Variants in SNX10 observed in about 807,000 individuals in gnomAD.
The protein encoded by SNX10 is sorting nexin-10.
A neutral mutation model predicts 28.5 loss-of-function variants in SNX10; 25 were observed. The ratio of observed to expected loss-of-function variants is 0.88; its 90% CI spans 0.64 to 1.22. The LOEUF (loss-of-function observed/expected upper bound fraction) is 1.22. Among genes scored for constraint, SNX10 ranks in the 50% most tolerant of loss-of-function variants. The pLI, the probability that SNX10 is intolerant of heterozygous loss-of-function variation, is 0.00. For synonymous variants in SNX10, 62 were observed against 81.4 expected (o/e 0.76, Z 1.28); for missense variants, 223 against 242.6 (o/e 0.92, Z 0.54).
intron 2 of SNX10, among the ~76,000 whole-genome samples, chr7:26,347,711 G>A (rs367959120): frequency 1.1e-4 from 16 of 152,182 alleles, no homozygotes; most frequent in East Asian, 7.7e-4. Context: ...TTAGCTGGGC[G>A]TAGTGGCATG....
chr7:26,313,353 A>G (rs1283783594), intron 1 of SNX10, among the ~76,000 whole-genome samples: 4 of 152,312 alleles, frequency 2.6e-5, no homozygotes, highest in Non-Finnish European at 4.4e-5. Flanking sequence ...TAATTAATCT[A>G]GTGGACTCCT....
chr7:26,358,924 G>C (rs775127146), intron 2 of SNX10, among the ~76,000 whole-genome samples: 2 of 147,796 alleles, frequency 1.4e-5, no homozygotes, highest in Non-Finnish European at 3.0e-5. Context: ...TCCTGCCTCA[G>C]CCTCCTGAGT....
chr7:26,367,957 T>G (rs985865903), intron 5 of SNX10, among the ~76,000 whole-genome samples: 5 of 152,240 alleles, frequency 3.3e-5, no homozygotes, highest in African/African-American at 1.2e-4. Context: ...GTTCAAACCT[T>G]TTGAAACCAC....
intron 1 of SNX10, among the ~76,000 whole-genome samples, chr7:26,335,290 C>G (rs1384410502): frequency 6.6e-6 from 1 of 152,206 alleles, no homozygotes; most frequent in Non-Finnish European, 1.5e-5. Context: ...CCTCTGGTCC[C>G]TCAGAACCCC....
At chr7:26,330,029 G>A (rs1787675090) in intron 1 of SNX10, among the ~76,000 whole-genome samples, 1 of 152,164 alleles carries the variant, frequency 6.6e-6, no homozygotes, top group Admixed American at 6.5e-5. Context: ...ATGAGGAAGT[G>A]CGATCAGGAA....
Position 26,364,596 on chromosome 7 carries a change from T to C in SNX10, c.173T>C (p.Val58Ala), listed in dbSNP as rs1789216511. The C allele has an allele frequency of 1.2e-6, 2 of 1,613,998 alleles. No individual in the cohort carries two copies. Among genetic ancestry groups the C allele is most frequent in the Non-Finnish European group, 1.7e-6 (2 of 1,179,914 alleles). The change falls in exon 4 of 7, where the codon GTG becomes GCG. Residue 58 changes from valine to alanine, a missense_variant. By Grantham distance (64) the Val-to-Ala change is moderately conservative. Transcript: ENST00000338523. This position sits in a 1 kb window ranked among gnomAD's most constrained non-coding sequence, Gnocchi z 4.9. ...GTACGAAGAAGATATAGAGAATTCG[T>C]GTGGCTGAGGCAGAGACTCCAAAGT... ...SCVRRRYREF[V>A]WLRQRLQSNA...
intron 1 of SNX10, among the ~76,000 whole-genome samples, chr7:26,341,437 G>A (rs1277971885): frequency 6.6e-6 from 1 of 152,114 alleles, no homozygotes; most frequent in African/African-American, 2.4e-5. Flanking sequence ...AGAGGACACT[G>A]GGAGGCAGAT....
chr7:26,319,485 A>G (rs1562793348), intron 1 of SNX10, among the ~76,000 whole-genome samples: 1 of 152,164 alleles, frequency 6.6e-6, no homozygotes, highest in Non-Finnish European at 1.5e-5. Context: ...TAAATAAATG[A>G]TATGTTCAGA....
chr7:26,316,736 T>G (rs570284022), intron 1 of SNX10, among the ~76,000 whole-genome samples: 3 of 152,304 alleles, frequency 2.0e-5, no homozygotes, highest in African/African-American at 7.2e-5. Flanking sequence ...CAGGGTCACT[T>G]AGCAGGATTT....
chr7:26,346,286 A>G (rs1788383430), intron 1 of SNX10, 134 bp from the exon 2 acceptor site: 1 of 690,430 alleles, frequency 1.4e-6, no homozygotes, highest in African/African-American at 1.8e-5. Flanking sequence ...GCGTGGGAGG[A>G]GCAGAGGCTC....
At chr7:26,355,956 T>C (rs1769560631) in intron 2 of SNX10, among the ~76,000 whole-genome samples, 2 of 152,274 alleles carry the variant, frequency 1.3e-5, no homozygotes, top group South Asian at 4.1e-4. Context: ...GTTGTAAAGA[T>C]TGAAGAAAAC....
At chr7:26,298,470 T>C (rs932041488) in intron 1 of SNX10, among the ~76,000 whole-genome samples, 2 of 152,196 alleles carry the variant, frequency 1.3e-5, no homozygotes, top group Non-Finnish European at 2.9e-5. Context: ...GGAAAATAGA[T>C]TGTCACTATA....
At chr7:26,325,328 T>TATATATATATA (rs56716262) in intron 1 of SNX10, among the ~76,000 whole-genome samples, 34 of 123,088 alleles carry the variant, frequency 2.8e-4, no homozygotes, top group Non-Finnish European at 4.9e-4. Context: ...TATATATATA[T>TATATATATATA]TTGAGATGGA....
chr7:26,360,751 A>C (rs1789032486), intron 2 of SNX10: 2 of 1,149,504 alleles, frequency 1.7e-6, no homozygotes, highest in Non-Finnish European at 1.1e-6. Context: ...CTCCCACCTC[A>C]GTGTTGCATT....
At chr7:26,343,089 C>A (rs35143210) in intron 1 of SNX10, among the ~76,000 whole-genome samples, 5,549 of 152,276 alleles carry the variant, frequency 0.036, 169 homozygotes, top group Non-Finnish European at 0.056. Flanking sequence ...CAGGTGTGAG[C>A]CCCCGGGGCC....
intron 1 of SNX10, among the ~76,000 whole-genome samples, chr7:26,312,661 G>A (rs1050249320): frequency 3.9e-5 from 6 of 152,270 alleles, no homozygotes; most frequent in Non-Finnish European, 5.9e-5. Flanking sequence ...GCGCTTGCCT[G>A]TAATCCCAGC....
chr7:26,303,931 T>C (rs1028040882), intron 1 of SNX10, among the ~76,000 whole-genome samples: 4 of 152,210 alleles, frequency 2.6e-5, no homozygotes, highest in Admixed American at 2.6e-4. Context: ...GTTTAGATAT[T>C]TAACATTGAA....
At chr7:26,311,400 C>T (rs758411539) in intron 1 of SNX10, among the ~76,000 whole-genome samples, 2 of 152,320 alleles carry the variant, frequency 1.3e-5, no homozygotes, top group Middle Eastern at 3.4e-3. Flanking sequence ...ATTCTCCCGC[C>T]TCGGCCTCCA....
intron 1 of SNX10, among the ~76,000 whole-genome samples, chr7:26,317,485 G>T (rs937313509): frequency 6.6e-6 from 1 of 152,132 alleles, no homozygotes; most frequent in Non-Finnish European, 1.5e-5. Context: ...GTCATCAGTA[G>T]TGGCAGTTTT....
Sources: allele counts gnomAD v4.1 joint callset (sites outside exome capture counted in the v4.1 genomes callset), GRCh38; gene constraint gnomAD v4.1.1; non-coding constraint Gnocchi (gnomAD v3.1); transcripts MANE v1.5; gene names NCBI Gene and HGNC (gene_info 2026-07-23, HGNC 2026-07-21).